Variants in CCDC175 observed in about 807,000 individuals in gnomAD.
CCDC175 encodes coiled-coil domain-containing protein 175.
Under a neutral mutation model 114.6 loss-of-function variants are expected in CCDC175, and 100 were observed. The observed-to-expected ratio is 0.87, with a 90% CI of 0.74 to 1.03. The LOEUF (loss-of-function observed/expected upper bound fraction) is 1.03, where lower values mean the gene tolerates loss of function less well. Among genes scored for constraint, CCDC175 ranks in the 50% least tolerant of loss-of-function variants. The probability of loss-of-function intolerance (pLI) is 0.00; values close to 1 mark genes in which losing one functional copy is unlikely to be tolerated. For missense variants in CCDC175, 880 were observed against 917.8 expected (o/e 0.96, Z 0.53); for synonymous variants, 306 against 308.7 (o/e 0.99, Z 0.09).
intron 13 of CCDC175, among the ~76,000 whole-genome samples, chr14:59,536,955 G>A (rs1025590649): frequency 3.3e-5 from 5 of 151,870 alleles, no homozygotes; most frequent in Admixed American, 1.3e-4. Context: ...TAATTTTTTT[G>A]TATTTTTAGT....
At chr14:59,555,217 A>G (rs1036425054) in intron 7 of CCDC175, among the ~76,000 whole-genome samples, 3 of 152,206 alleles carry the variant, frequency 2.0e-5, no homozygotes, top group Admixed American at 1.3e-4. Context: ...AATCCTCAAT[A>G]AAATACTGGC....
intron 9 of CCDC175, among the ~76,000 whole-genome samples, chr14:59,543,806 T>G (rs1444147409): frequency 6.6e-6 from 1 of 152,200 alleles, no homozygotes; most frequent in Admixed American, 6.5e-5. Context: ...ACATAGGATT[T>G]TCATAAAATT....
At chr14:59,525,231 C>A (rs1027161944) in intron 16 of CCDC175, 51 bp downstream of exon 16, 3 of 1,241,498 alleles carry the variant, frequency 2.4e-6, no homozygotes, top group Admixed American at 3.4e-5. Flanking sequence ...TATTACAGGT[C>A]TAGTCAATTA....
chr14:59,538,900 G>A, intron 11 of CCDC175, 60 bp from the exon 12 acceptor site: 1 of 1,455,638 alleles, frequency 6.9e-7, no homozygotes, highest in South Asian at 1.3e-5. Context: ...CTAAAAAGAT[G>A]AAGAAATTCA....
intron 6 of CCDC175, among the ~76,000 whole-genome samples, chr14:59,562,330 C>T (rs1179420186): frequency 6.6e-6 from 1 of 152,058 alleles, no homozygotes; most frequent in Non-Finnish European, 1.5e-5. Context: ...ATCTGAAATT[C>T]CTTGTGGTCT....
chr14:59,570,857 G>A (rs1896810332), intron 3 of CCDC175, among the ~76,000 whole-genome samples: 2 of 152,156 alleles, frequency 1.3e-5, no homozygotes, highest in Non-Finnish European at 2.9e-5. Context: ...TTCTGCCTCA[G>A]CCTCCTGAGT....
At chr14:59,506,146 A>G (rs1336671464) in intron 19 of CCDC175, among the ~76,000 whole-genome samples, 2 of 152,048 alleles carry the variant, frequency 1.3e-5, no homozygotes, top group Non-Finnish European at 2.9e-5. Flanking sequence ...ACCTTGTTAT[A>G]TATTTGTCTA....
chr14:59,545,264 G>A lies in CCDC175; in HGVS notation c.1071C>T (p.Tyr357=), dbSNP rs1202764899. The A allele has an allele frequency of 5.2e-6, 8 of 1,536,410 alleles. No homozygotes were observed. The highest frequency in any genetic ancestry group is 1.4e-5 in the African/African-American group (1 of 72,900). Residue 357 remains tyrosine (Y), a synonymous_variant, in exon 9 of 20, where the codon TAC becomes TAT. Coordinates refer to ENST00000537690, the MANE Select transcript of CCDC175 (RefSeq NM_001164399.2). ...VETLHAARME[Y]KDLREKMKTL... is the part of the protein sequence containing the mutation. ...TTTTCATTTTCTCTCGTAGGTCTTT[G>A]TATTCCATACGAGCAGCATGCAGTG...
chr14:59,568,509 C>T (rs936293114), intron 3 of CCDC175, 129 bp from the exon 4 acceptor site: 2 of 701,352 alleles, frequency 2.9e-6, no homozygotes, highest in African/African-American at 3.7e-5. Flanking sequence ...ATTTCTTACT[C>T]CCTTGGTCCC....
At position 59,505,346 on chromosome 14, in the gene CCDC175, T is replaced by G. The variant is rs1032678055; in HGVS notation, c.2306-31A>C. 4.9e-6 allele frequency: 6 copies of G among 1,232,438 alleles called. No homozygotes were observed. In the African/African-American group the frequency reaches 6.1e-5, roughly 13 times the overall value. The allele number at this position is 1,232,438 out of a possible 1,614,324, so 76.3% of individuals were successfully genotyped here. Reference sequence around the variant, plus strand: ...GGAATAAAAAATAAATATAAAAATTTTATTTGTATTGCACACATTTGGGGG... The same window carrying G: ...GGAATAAAAAATAAATATAAAAATTGTATTTGTATTGCACACATTTGGGGG... On this transcript the variant is annotated intron_variant, in intron 19 of 19. Transcript: ENST00000537690.
At position 59,516,869 on chromosome 14, in the gene CCDC175, A is replaced by C. The variant is rs569407115; in HGVS notation, c.2098+4705T>G. Reference sequence around the variant, plus strand: ...AAGCCTAGCAGAGACACAACAAAAAAAGAGAATTTTAGACCAATATCCCTG... The same window carrying C: ...AAGCCTAGCAGAGACACAACAAAAACAGAGAATTTTAGACCAATATCCCTG... On this transcript the variant is annotated intron_variant, in intron 17 of 19. Transcript: ENST00000537690. Among the ~76,000 whole-genome samples, 36 of 152,300 alleles carry C rather than the reference A, an allele frequency of 2.4e-4. 1 individual carries two copies. In the East Asian group the frequency reaches 6.9e-3, roughly 29 times the overall value.
At chr14:59,563,376 G>T (rs1169606706) in intron 6 of CCDC175, among the ~76,000 whole-genome samples, 3 of 152,012 alleles carry the variant, frequency 2.0e-5, no homozygotes, top group Middle Eastern at 3.2e-3. Context: ...TCCACATTCA[G>T]AATTAAGGAC....
chr14:59,526,303 G>A (rs111489600), intron 15 of CCDC175, among the ~76,000 whole-genome samples: 6,269 of 151,576 alleles, frequency 0.041, 163 homozygotes, highest in Non-Finnish European at 0.061. Context: ...ATTTTATAAC[G>A]TATTAAAAGT....
chr14:59,563,091 T>C (rs1372348576), intron 6 of CCDC175, among the ~76,000 whole-genome samples: 3 of 152,194 alleles, frequency 2.0e-5, no homozygotes, highest in Non-Finnish European at 4.4e-5. Context: ...GATAAGAAGT[T>C]AACAGGCATT....
chr14:59,546,367 T>C (rs1376477440), intron 8 of CCDC175, among the ~76,000 whole-genome samples: 1 of 152,202 alleles, frequency 6.6e-6, no homozygotes, highest in Non-Finnish European at 1.5e-5. Flanking sequence ...TTGGGTATTA[T>C]GTTCACTACT....
intron 7 of CCDC175, among the ~76,000 whole-genome samples, chr14:59,551,913 G>C (rs1398414951): frequency 1.3e-5 from 2 of 152,232 alleles, no homozygotes; most frequent in African/African-American, 4.8e-5. Flanking sequence ...CAGCAGCGAG[G>C]CTGGGGGAGG....
chr14:59,516,008 GA>G (rs1378338075), intron 17 of CCDC175, among the ~76,000 whole-genome samples: 3 of 152,192 alleles, frequency 2.0e-5, no homozygotes, highest in African/African-American at 7.2e-5. Flanking sequence ...TCAGGATTAA[GA>G]AACTCACTCA....
intron 8 of CCDC175, among the ~76,000 whole-genome samples, chr14:59,550,687 T>C (rs977154636): frequency 2.0e-5 from 3 of 152,150 alleles, no homozygotes; most frequent in Non-Finnish European, 2.9e-5. Flanking sequence ...ACCTGGAATC[T>C]GGTGTTCGAG....
At chr14:59,554,885 C>T (rs1465722859) in intron 7 of CCDC175, among the ~76,000 whole-genome samples, 1 of 152,036 alleles carries the variant, frequency 6.6e-6, no homozygotes, top group African/African-American at 2.4e-5. Context: ...ATAAATTCCT[C>T]GACACATACA....
Sources: allele counts gnomAD v4.1 joint callset (sites outside exome capture counted in the v4.1 genomes callset), GRCh38; gene constraint gnomAD v4.1.1; transcripts MANE v1.5; gene names NCBI Gene and HGNC (gene_info 2026-07-23, HGNC 2026-07-21).